Variants in PSKH2 observed in about 807,000 individuals in gnomAD.
PSKH2 encodes serine/threonine-protein kinase H2.
Under a neutral mutation model 22.5 loss-of-function variants are expected in PSKH2, and 16 were observed. That is an observed-to-expected ratio of 0.71 (90% confidence interval 0.48 to 1.08). The LOEUF is 1.08. PSKH2 is among the 50% of genes least tolerant of loss of function. The pLI is 0.00. For synonymous variants in PSKH2, 188 were observed against 184.8 expected, an observed-to-expected ratio of 1.02 and a Z score of -0.14; for missense variants, 516 against 492.8, an observed-to-expected ratio of 1.05 and a Z score of -0.44.
chr8:86,069,063 T>G (rs963701082), intron 1 of PSKH2, among the ~76,000 whole-genome samples: 3 of 152,006 alleles, frequency 2.0e-5, no homozygotes, highest in African/African-American at 7.3e-5. Flanking sequence ...GCAAGAAAGT[T>G]TTTAAGCGCT....
chr8:86,064,250 G>A lies in PSKH2; in HGVS notation c.567C>T (p.Leu189=). The A allele has an allele frequency of 6.2e-7, 1 of 1,614,126 alleles. No individual in the cohort carries two copies. Among genetic ancestry groups the A allele is most frequent in the East Asian group, 2.2e-5 (1 of 44,876 alleles). The change falls in exon 2 of 3, where the codon CTC becomes CTT. Residue 189 remains leucine (L), a synonymous_variant. Transcript: ENST00000276616. ...ITHRNLKPEN[L]LYYHPGEESK... is the part of the protein sequence containing the mutation. The stretch of plus-strand genomic sequence containing the variant: ...ACTCTTCACCTGGATGATAGTATAA[G>A]AGGTTTTCAGGCTTTAGATTCCTAT...
intron 2 of PSKH2, among the ~76,000 whole-genome samples, chr8:86,061,455 A>G (rs919875194): frequency 6.6e-6 from 1 of 152,050 alleles, no homozygotes; most frequent in African/African-American, 2.4e-5. Context: ...GTTCCCCCCA[A>G]CATTGAATCA....
At chr8:86,055,608 ATTACAGGAAT>A (rs567370631) in intron 2 of PSKH2, among the ~76,000 whole-genome samples, 2 of 152,364 alleles carry the variant, frequency 1.3e-5, no homozygotes, top group Admixed American at 1.3e-4. Context: ...TGGGAACCAA[ATTACAGGAAT>A]TACAGCTTAG....
chr8:86,066,456 G>T (rs1232457019), intron 1 of PSKH2: 1 of 152,028 alleles, frequency 6.6e-6, no homozygotes, highest in African/African-American at 2.4e-5. Flanking sequence ...GCCCACCTCA[G>T]CCTCCCAAAG....
At position 86,064,597 on chromosome 8, in the gene PSKH2, A is replaced by G. The variant is rs1043928601; in HGVS notation, c.220T>C (p.Phe74Leu). Residue 74 changes from phenylalanine (F) to leucine (L), a missense_variant, in exon 2 of 3, where the codon TTC (phenylalanine) becomes CTC (leucine). Coordinates refer to ENST00000276616, the MANE Select transcript of PSKH2 (RefSeq NM_033126.3). ...TGCTCTACCCTGACAACCCTGCTGA[A>G]ACTGCCTGTCCCAATAAGAGCTTTG... ...DIKALIGTGS[F>L]SRVVRVEQKT... 2.5e-6 allele frequency: 4 copies of G among 1,613,574 alleles called. No homozygotes were observed. The highest frequency in any genetic ancestry group is 3.4e-6 in the Non-Finnish European group (4 of 1,179,856).
rs776974534 is a variant in PSKH2 at position 86,048,456 on chromosome 8, A to G, written c.*6T>C. The G allele has an allele frequency of 3.7e-6, 6 of 1,606,522 alleles. No individual in the cohort carries two copies. Among genetic ancestry groups the G allele is most frequent in the Non-Finnish European group, 5.1e-6 (6 of 1,174,514 alleles). On this transcript the variant is annotated 3_prime_UTR_variant, in exon 3 of 3. Transcript: ENST00000276616. Reference sequence around the variant, plus strand: ...ATAGGCAAAAATAGTTTTAGAGGTCATCTGCTTACAAAAGCGCAGACAGTG... The same window carrying G: ...ATAGGCAAAAATAGTTTTAGAGGTCGTCTGCTTACAAAAGCGCAGACAGTG...
Position 86,069,429 on chromosome 8 carries a change from G to A in PSKH2, c.185+9C>T, listed in dbSNP as rs1273498049. ...CAGTCCCAGGCCAGTTCCTCACGTG[G>A]CGCTTTACCTGGCAAGGACCCGGGG... On this transcript the variant is annotated intron_variant, in intron 1 of 2. Coordinates refer to ENST00000276616, the MANE Select transcript of PSKH2 (RefSeq NM_033126.3). 3 of 1,569,892 alleles carry A rather than the reference G, an allele frequency of 1.9e-6. No homozygotes were observed. The South Asian group carries it at 3.5e-5, about 18-fold the overall frequency.
chr8:86,048,252 G>C lies in PSKH2; in HGVS notation c.*210C>G. The C allele has an allele frequency of 2.1e-6, 1 of 472,728 alleles. No individual in the cohort carries two copies. The highest frequency in any genetic ancestry group is 3.5e-5 in the Admixed American group (1 of 28,486). The allele number at this position is 472,728 out of a possible 1,614,324, so 29.3% of individuals were successfully genotyped here. ...GTTTCCAGTTATCTAAACATAGCTA[G>C]TATTTACTAAACTGTTAATCATTTG... On this transcript the variant is annotated 3_prime_UTR_variant, in exon 3 of 3. Transcript: ENST00000276616.
intron 1 of PSKH2, among the ~76,000 whole-genome samples, chr8:86,065,945 G>A (rs548045815): frequency 6.6e-6 from 1 of 152,174 alleles, no homozygotes; most frequent in East Asian, 1.9e-4. Context: ...ACTCCAGCTT[G>A]GGTGAGAGAG....
chr8:86,069,731 GA>G, upstream of PSKH2: 1 of 1,280,518 alleles, frequency 7.8e-7, no homozygotes, highest in Non-Finnish European at 1.0e-6. Flanking sequence ...CCCTCGGAAA[GA>G]AACCCCACTG....
rs754441107 is a variant in PSKH2, at chr8:86,069,488, C to A, written c.135G>T (p.Arg45Ser). 12 of 1,609,610 alleles carry A rather than the reference C, an allele frequency of 7.5e-6. No individual in the cohort carries two copies. The highest frequency in any genetic ancestry group is 6.8e-6 in the Non-Finnish European group (8 of 1,178,726). ...TGGCTCGGAAGCGAGCCACCTGTAT[C>A]CTCTGCGCCGCCTGGGCCGCCGCCT... ...GPEAAAQAAQ[R>S]IQVARFRAKF... is the part of the protein sequence containing the mutation. Residue 45 changes from arginine (R) to serine (S), a missense_variant, in exon 1 of 3, where the codon AGG (arginine) becomes AGT (serine). Physicochemically the swap from Arg to Ser is moderately radical, Grantham distance 110. Coordinates refer to ENST00000276616, the MANE Select transcript of PSKH2 (RefSeq NM_033126.3).
chr8:86,053,418 G>C (rs539380935), intron 2 of PSKH2, among the ~76,000 whole-genome samples: 1 of 151,996 alleles, frequency 6.6e-6, no homozygotes. Flanking sequence ...TTCTGTTCAG[G>C]CTTCTCTTTA....
Position 86,048,422 on chromosome 8 carries a change from G to A in PSKH2, c.*40C>T, listed in dbSNP as rs777284327. On this transcript the variant is annotated 3_prime_UTR_variant, in exon 3 of 3. Transcript: ENST00000276616. ...GAGGGTGCCCTAATCATGATGAAAT[G>A]GTCCTAAAATAGGCAAAAATAGTTT... 1.3e-6 allele frequency: 2 copies of A among 1,507,474 alleles called. No homozygotes were observed. The highest frequency in any genetic ancestry group is 1.8e-6 in the Non-Finnish European group (2 of 1,098,842). 93.4% of individuals were successfully genotyped at this position (1,507,474 alleles called of 1,614,324 possible). A position where few individuals can be genotyped will look rare whatever the true frequency, so the allele number is the denominator to read the frequency against.
At chr8:86,067,012 C>T (rs1190081291) in intron 1 of PSKH2, among the ~76,000 whole-genome samples, 2 of 152,120 alleles carry the variant, frequency 1.3e-5, no homozygotes, top group African/African-American at 4.8e-5. Flanking sequence ...GCTAATTTAT[C>T]GCTATGCCCT....
intron 2 of PSKH2, among the ~76,000 whole-genome samples, chr8:86,062,428 G>A (rs944268820): frequency 6.6e-6 from 1 of 152,120 alleles, no homozygotes; most frequent in Non-Finnish European, 1.5e-5. Context: ...GATATGGTTT[G>A]GCTCTGTGTC....
intron 2 of PSKH2, among the ~76,000 whole-genome samples, chr8:86,055,412 A>G (rs1469745498): frequency 6.6e-6 from 1 of 152,232 alleles, no homozygotes; most frequent in Admixed American, 6.5e-5. Flanking sequence ...ATATCCATTC[A>G]GTTTAAGGCA....
At position 86,050,651 on chromosome 8, in the gene PSKH2, G is replaced by A. The variant is rs536900209; in HGVS notation, c.853-1884C>T. Among the ~76,000 whole-genome samples the A allele has an allele frequency of 7.2e-5, 11 of 152,158 alleles. No individual in the cohort carries two copies. In the South Asian group the frequency reaches 1.2e-3, roughly 17 times the overall value. ...CTCTACCAGCACATACCGTATACCC[G>A]GAAAACACTACAGTTTAGTGTCCTT... On this transcript the variant is annotated intron_variant, in intron 2 of 2. Transcript: ENST00000276616.
chr8:86,066,966 T>C (rs973186740), intron 1 of PSKH2, among the ~76,000 whole-genome samples: 1 of 152,230 alleles, frequency 6.6e-6, no homozygotes, highest in Non-Finnish European at 1.5e-5. Flanking sequence ...CCAAGTTTTA[T>C]ATTACCTCTA....
intron 2 of PSKH2, among the ~76,000 whole-genome samples, chr8:86,056,724 T>C (rs1002194188): frequency 2.0e-5 from 3 of 152,206 alleles, no homozygotes; most frequent in Non-Finnish European, 4.4e-5. Flanking sequence ...TCTCAGCACC[T>C]ACATCTATTA....
Sources: gnomAD v4.1 joint callset for allele counts (sites outside exome capture counted in the v4.1 genomes callset) on GRCh38, gnomAD v4.1.1 for gene constraint, MANE v1.5 for transcripts, NCBI Gene and HGNC (gene_info 2026-07-23, HGNC 2026-07-21) for gene names.